ARHGAP15: variants seen among roughly 807,000 people sequenced by gnomAD.
The protein encoded by ARHGAP15 is rho GTPase-activating protein 15.
A neutral mutation model predicts 63.7 loss-of-function variants in ARHGAP15; 51 were observed. That is an observed-to-expected ratio of 0.80 (90% CI 0.64 to 1.01). ARHGAP15 has a LOEUF of 1.01. Ranked by LOEUF, ARHGAP15 falls within the 50% of genes least tolerant of loss-of-function variation. The pLI, the probability that ARHGAP15 is intolerant of heterozygous loss-of-function variation, is 0.00. For missense variants in ARHGAP15, 560 were observed against 564.6 expected, an observed-to-expected ratio of 0.99 and a Z score of 0.08; for synonymous variants, 191 against 193.8, an observed-to-expected ratio of 0.99 and a Z score of 0.12.
chr2:143,407,017 A>C (rs1223925839), intron 6 of ARHGAP15, among the ~76,000 whole-genome samples: 2 of 152,010 alleles, frequency 1.3e-5, no homozygotes, highest in African/African-American at 4.8e-5. Flanking sequence ...GGAGGCTTAG[A>C]AATGGAGTCT....
At chr2:143,140,571 C>A (rs1165675808) in intron 1 of ARHGAP15, among the ~76,000 whole-genome samples, 1 of 152,054 alleles carries the variant, frequency 6.6e-6, no homozygotes, top group Non-Finnish European at 1.5e-5. Flanking sequence ...CAAGACAGAT[C>A]TACTAGGGTC....
chr2:143,563,493 T>C (rs903780431), intron 11 of ARHGAP15, among the ~76,000 whole-genome samples: 1 of 152,210 alleles, frequency 6.6e-6, no homozygotes, highest in South Asian at 2.1e-4. Flanking sequence ...TTTCATGTTG[T>C]CAGTATGGTT....
intron 9 of ARHGAP15, among the ~76,000 whole-genome samples, chr2:143,510,602 C>T (rs1429920641): frequency 6.6e-6 from 1 of 152,226 alleles, no homozygotes; most frequent in African/African-American, 2.4e-5. Context: ...TTCCTTCCTA[C>T]TTCCACCCCT....
intron 10 of ARHGAP15, 88 bp from the exon 11 acceptor site, chr2:143,556,320 T>C: frequency 9.9e-7 from 1 of 1,010,914 alleles, no homozygotes; most frequent in Non-Finnish European, 1.5e-6. Context: ...AGAATAGATA[T>C]TTGATTTACT....
chr2:143,748,492 C>A (rs1389186759), intron 13 of ARHGAP15, among the ~76,000 whole-genome samples: 4 of 152,146 alleles, frequency 2.6e-5, no homozygotes, highest in Non-Finnish European at 5.9e-5. Flanking sequence ...TAAGACAGCA[C>A]ACAGGAGGCT....
intron 9 of ARHGAP15, among the ~76,000 whole-genome samples, chr2:143,510,172 C>T (rs905002274): frequency 6.6e-5 from 10 of 151,936 alleles, no homozygotes; most frequent in Non-Finnish European, 4.4e-5. Context: ...GCTGAAATCA[C>T]CCATGTTTGG....
intron 8 of ARHGAP15, among the ~76,000 whole-genome samples, chr2:143,439,041 T>C (rs1665166889): frequency 6.6e-6 from 1 of 152,004 alleles, no homozygotes; most frequent in Non-Finnish European, 1.5e-5. Context: ...AAATCTTAGA[T>C]AGAACACTCA....
At chr2:143,573,754 A>T (rs961929797) in intron 11 of ARHGAP15, among the ~76,000 whole-genome samples, 5 of 152,168 alleles carry the variant, frequency 3.3e-5, no homozygotes, top group African/African-American at 1.2e-4. Context: ...GGGATCCAGT[A>T]TACCTAGTAT....
chr2:143,524,808 T>C (rs895270651), intron 10 of ARHGAP15, among the ~76,000 whole-genome samples: 23 of 152,216 alleles, frequency 1.5e-4, no homozygotes, highest in African/African-American at 4.8e-4. Context: ...TGTAAATAAA[T>C]ACATGAATAT....
At chr2:143,465,592 AT>A (rs1343573296) in intron 8 of ARHGAP15, among the ~76,000 whole-genome samples, 2 of 151,958 alleles carry the variant, frequency 1.3e-5, no homozygotes, top group African/African-American at 4.8e-5. Context: ...AATGCTTTGT[AT>A]TTTTTTCCAG....
intron 10 of ARHGAP15, among the ~76,000 whole-genome samples, chr2:143,556,095 A>C (rs1333174372): frequency 2.0e-5 from 3 of 152,034 alleles, no homozygotes; most frequent in Non-Finnish European, 4.4e-5. Context: ...AAACGTCTGG[A>C]GGTTTCCCCC....
chr2:143,209,197 C>CT (rs1156957381), intron 3 of ARHGAP15, among the ~76,000 whole-genome samples: 1 of 152,084 alleles, frequency 6.6e-6, no homozygotes, highest in Non-Finnish European at 1.5e-5. Context: ...TCTAAAAGCT[C>CT]TTTAGTCTTT....
intron 10 of ARHGAP15, among the ~76,000 whole-genome samples, chr2:143,548,894 G>A (rs1306736472): frequency 6.6e-6 from 1 of 151,948 alleles, no homozygotes; most frequent in Admixed American, 6.6e-5. Flanking sequence ...AAAGGCTCAC[G>A]AAAGAAATGG....
At chr2:143,243,909 G>A (rs1232487187) in intron 5 of ARHGAP15, among the ~76,000 whole-genome samples, 2 of 151,884 alleles carry the variant, frequency 1.3e-5, no homozygotes, top group Admixed American at 6.6e-5. Flanking sequence ...TTTTTAAAGC[G>A]AATATATTTA....
chr2:143,276,297 C>G (rs1681546340), intron 6 of ARHGAP15, among the ~76,000 whole-genome samples: 1 of 152,192 alleles, frequency 6.6e-6, no homozygotes, highest in Non-Finnish European at 1.5e-5. Context: ...CATTTCTACT[C>G]TTTGCAGCCG....
intron 13 of ARHGAP15, among the ~76,000 whole-genome samples, chr2:143,730,377 G>A (rs746961315): frequency 2.1e-4 from 31 of 149,726 alleles, no homozygotes; most frequent in East Asian, 1.6e-3. Context: ...GGTGTTTCCC[G>A]TGCTGACACA....
At chr2:143,566,684 T>G (rs1696237877) in intron 11 of ARHGAP15, among the ~76,000 whole-genome samples, 1 of 152,084 alleles carries the variant, frequency 6.6e-6, no homozygotes, top group Non-Finnish European at 1.5e-5. Flanking sequence ...CTGGGGCTTT[T>G]GCATTTGCTC....
chr2:143,306,108 T>C (rs1414977559), intron 6 of ARHGAP15, among the ~76,000 whole-genome samples: 1 of 152,130 alleles, frequency 6.6e-6, no homozygotes, highest in Admixed American at 6.6e-5. Flanking sequence ...TTTGGAACAA[T>C]CTCAGTAATA....
chr2:143,767,957 G>A, intron 13 of ARHGAP15, 32 bp from the exon 14 acceptor site: 1 of 1,597,172 alleles, frequency 6.3e-7, no homozygotes, highest in Non-Finnish European at 8.5e-7. Context: ...TCAAACTCCA[G>A]TGAAATTATT....
Sources: allele counts gnomAD v4.1 joint callset (sites outside exome capture counted in the v4.1 genomes callset), GRCh38; gene constraint gnomAD v4.1.1; transcripts MANE v1.5; gene names NCBI Gene and HGNC (gene_info 2026-07-23, HGNC 2026-07-21).